Variants in ABCB5 observed in about 807,000 individuals in gnomAD.
ABCB5 encodes ATP binding cassette subfamily B member 5, also known as ATP-binding cassette sub-family B member 5.
Under a neutral mutation model 144.2 loss-of-function variants are expected in ABCB5, and 155 were observed. That is an observed-to-expected ratio of 1.08 (90% CI 0.94 to 1.23). The LOEUF is 1.23. ABCB5 is among the 50% of genes most tolerant of loss of function. The pLI is 0.00. For missense variants in ABCB5, 1,830 were observed against 1,520.8 expected (o/e 1.20, Z -3.38); for synonymous variants, 610 against 528.6 (o/e 1.15, Z -2.11).
At chr7:20,637,855 T>C (rs1319219994) in intron 5 of ABCB5, among the ~76,000 whole-genome samples, 3 of 152,334 alleles carry the variant, frequency 2.0e-5, no homozygotes, top group Non-Finnish European at 4.4e-5. Flanking sequence ...TAGCATATAG[T>C]AAGTGCTCAA....
At chr7:20,655,360 C>G (rs569379145) in intron 13 of ABCB5, among the ~76,000 whole-genome samples, 13 of 152,148 alleles carry the variant, frequency 8.5e-5, no homozygotes, top group South Asian at 2.1e-4. Flanking sequence ...GTAATCCCAG[C>G]TACTCGAAAG....
rs150977220 is a variant in ABCB5 at position 20,665,603 on chromosome 7, C to A, written c.1707+6927C>A. On this transcript the variant is annotated intron_variant, in intron 14 of 27. Transcript: ENST00000404938. ...CTAGGGTACTAGGGTCTCCAAGGAG[C>A]CTCTCAAGGACTGAGAGAGGTGGGG... Among the ~76,000 whole-genome samples the A allele has an allele frequency of 2.1e-3, 326 of 152,088 alleles. 3 individuals are homozygous for A. Among genetic ancestry groups the A allele is most frequent in the African/African-American group, 7.6e-3 (314 of 41,472 alleles).
intron 13 of ABCB5, among the ~76,000 whole-genome samples, chr7:20,654,229 T>A (rs890609868): frequency 6.6e-6 from 1 of 151,378 alleles, no homozygotes; most frequent in African/African-American, 2.4e-5. Flanking sequence ...GAACTTAGAG[T>A]CTCTTCAACA....
rs767597218 is a variant in ABCB5, at chr7:20,646,063, T to C, written c.906T>C (p.Tyr302=). ...TGTACTTCTTTATGAATGGAACCTATGGACTTGCTTTTTGGTATGGAACCT... is the reference window on the plus strand; with the variant it reads ...TGTACTTCTTTATGAATGGAACCTACGGACTTGCTTTTTGGTATGGAACCT... ...GAVYFFMNGT[Y]GLAFWYGTSL... is the part of the protein sequence containing the mutation. The change falls in exon 9 of 28, where the codon TAT becomes TAC. Residue 302 remains tyrosine (Y), a synonymous_variant. Coordinates refer to ENST00000404938, the MANE Select transcript of ABCB5 (RefSeq NM_001163941.2). 124 of 1,613,870 alleles carry C rather than the reference T, an allele frequency of 7.7e-5. No homozygotes were observed. In the South Asian group the frequency reaches 8.2e-4, roughly 11 times the overall value.
intron 10 of ABCB5, 47 bp from the exon 11 acceptor site, chr7:20,647,921 C>G (rs1449791604): frequency 8.0e-7 from 1 of 1,250,500 alleles, no homozygotes; most frequent in Non-Finnish European, 1.2e-6. Flanking sequence ...TAGAGACTGT[C>G]AGTTTACTCC....
At chr7:20,743,864 T>C (rs1010987908) in intron 25 of ABCB5, among the ~76,000 whole-genome samples, 4 of 152,080 alleles carry the variant, frequency 2.6e-5, no homozygotes, top group Non-Finnish European at 5.9e-5. Flanking sequence ...CCTTGAACTA[T>C]GAGACACTCA....
chr7:20,746,087 A>G (rs1227085020), intron 26 of ABCB5, among the ~76,000 whole-genome samples: 1 of 151,104 alleles, frequency 6.6e-6, no homozygotes, highest in East Asian at 1.9e-4. Context: ...GGCTTTTGGC[A>G]TAGTAGCGCC....
chr7:20,739,886 TAA>T (rs1782507280), intron 24 of ABCB5, among the ~76,000 whole-genome samples: 1 of 152,034 alleles, frequency 6.6e-6, no homozygotes, highest in Non-Finnish European at 1.5e-5. Context: ...CTGTGAATAT[TAA>T]AAGAGAAATA....
In ABCB5 at chr7:20,686,241, G is replaced by C. The variant is rs1380649748; in HGVS notation, c.2010+405G>C. ...ATAGGCCCAGCACATACACCACCCA[G>C]GCTTGCAGTCCCAGGGCACAACCTG... On this transcript the variant is annotated intron_variant, in intron 16 of 27. Coordinates refer to ENST00000404938, the MANE Select transcript of ABCB5 (RefSeq NM_001163941.2). Among the ~76,000 whole-genome samples, 4 of 152,246 alleles carry C rather than the reference G, an allele frequency of 2.6e-5. No homozygotes were observed. In the South Asian group the frequency reaches 6.2e-4, roughly 24 times the overall value.
At chr7:20,646,703 G>T (rs1175076030) in intron 9 of ABCB5, among the ~76,000 whole-genome samples, 2 of 152,166 alleles carry the variant, frequency 1.3e-5, no homozygotes, top group Non-Finnish European at 2.9e-5. Context: ...ACAATAAACA[G>T]ATCAGTTCAG....
intron 1 of ABCB5, among the ~76,000 whole-genome samples, chr7:20,617,719 G>C (rs1293423481): frequency 1.3e-5 from 2 of 152,104 alleles, no homozygotes; most frequent in Admixed American, 6.6e-5. Flanking sequence ...CTGTCAATAA[G>C]AGAATCATTT....
intron 14 of ABCB5, among the ~76,000 whole-genome samples, chr7:20,663,801 C>T (rs1379549024): frequency 3.3e-5 from 5 of 150,672 alleles, no homozygotes; most frequent in Admixed American, 6.6e-5. Flanking sequence ...CTGCAACCTC[C>T]GCCTCTCAGG....
In ABCB5 at chr7:20,753,584, T is replaced by C. The variant is rs532687762; in HGVS notation, c.3576+78T>C. The C allele has an allele frequency of 1.0e-5, 15 of 1,492,642 alleles. No individual in the cohort carries two copies. In the Admixed American group the frequency reaches 2.0e-4, roughly 20 times the overall value. The allele number at this position is 1,492,642 out of a possible 1,614,324, so 92.5% of individuals were successfully genotyped here. A position where few individuals can be genotyped will look rare whatever the true frequency, so the allele number is the denominator to read the frequency against. On this transcript the variant is annotated intron_variant, in intron 27 of 27. Transcript: ENST00000404938. Reference sequence around the variant, plus strand: ...TAACATGGAGGAAACCAAGGTAAGTTTGGAAAAACAAAGGCCTGGAAAGAA... The same window carrying C: ...TAACATGGAGGAAACCAAGGTAAGTCTGGAAAAACAAAGGCCTGGAAAGAA...
At position 20,739,040 on chromosome 7, in the gene ABCB5, T is replaced by C; in HGVS notation, c.2925T>C (p.Ala975=). The change falls in exon 24 of 28, where the codon GCT becomes GCC. Residue 975 remains alanine (A), a synonymous_variant. Transcript: ENST00000404938. ...CCATCGGAGAAACGCTCGTTTTGGC[T>C]CCTGAATATTCCAAAGCCAAATCGG... The part of the protein sequence containing the change: ...AMAIGETLVL[A]PEYSKAKSGA... 2 of 1,612,422 alleles carry C rather than the reference T, an allele frequency of 1.2e-6. No homozygotes were observed. Among genetic ancestry groups the C allele is most frequent in the Non-Finnish European group, 1.7e-6 (2 of 1,179,284 alleles).
chr7:20,626,590 A>C lies in ABCB5; in HGVS notation c.87A>C (p.Glu29Asp), dbSNP rs543570107. The change falls in exon 3 of 28, where the codon GAA (glutamate) becomes GAC (aspartate). Residue 29 changes from glutamate to aspartate, a missense_variant. By Grantham distance (45) the Glu-to-Asp change is conservative. Coordinates refer to ENST00000404938, the MANE Select transcript of ABCB5 (RefSeq NM_001163941.2). Reference sequence around the variant, plus strand: ...AAGAACAGCCAAAACTGAGAAAGGAAGCAGTTGGATCTATTGAGATAGTAA... The same window carrying C: ...AAGAACAGCCAAAACTGAGAAAGGACGCAGTTGGATCTATTGAGATAGTAA... ...TAEEQPKLRK[E>D]AVGSIEIFRF... 2.5e-6 allele frequency: 4 copies of C among 1,608,036 alleles called. No individual in the cohort carries two copies. The South Asian group carries it at 4.5e-5, about 18-fold the overall frequency.
At chr7:20,715,956 G>T (rs1166890556) in intron 20 of ABCB5, among the ~76,000 whole-genome samples, 2 of 151,828 alleles carry the variant, frequency 1.3e-5, no homozygotes, top group Non-Finnish European at 2.9e-5. Context: ...CTGACCTCTG[G>T]TGATCCTCCC....
At chr7:20,687,081 T>C (rs1786027241) in intron 16 of ABCB5, among the ~76,000 whole-genome samples, 2 of 152,198 alleles carry the variant, frequency 1.3e-5, no homozygotes, top group Admixed American at 6.5e-5. Flanking sequence ...ATGGTATAGA[T>C]GGTATACCAT....
chr7:20,656,906 CTTTTTCTTT>C (rs375385181), intron 13 of ABCB5, among the ~76,000 whole-genome samples: 22,454 of 135,234 alleles, frequency 0.17, 1,706 homozygotes, highest in South Asian at 0.21. Flanking sequence ...TTTCTTTTTC[CTTTTTCTTT>C]TTTTTTTTTT....
intron 2 of ABCB5, among the ~76,000 whole-genome samples, chr7:20,623,877 T>C (rs992143401): frequency 1.3e-5 from 2 of 152,226 alleles, no homozygotes; most frequent in African/African-American, 4.8e-5. Flanking sequence ...ACATACAATC[T>C]ATAAAACTGG....
Sources: allele counts gnomAD v4.1 joint callset (sites outside exome capture counted in the v4.1 genomes callset), GRCh38; gene constraint gnomAD v4.1.1; transcripts MANE v1.5; gene names NCBI Gene and HGNC (gene_info 2026-07-23, HGNC 2026-07-21).